Variants in DAB1 observed in about 807,000 individuals in gnomAD.
The protein encoded by DAB1 is disabled homolog 1.
Under a neutral mutation model 64.6 loss-of-function variants are expected in DAB1, and 15 were observed. The ratio of observed to expected loss-of-function variants is 0.23; its 90% CI spans 0.16 to 0.36. The LOEUF (loss-of-function observed/expected upper bound fraction) is 0.36. Ranked by LOEUF, DAB1 falls within the 10% of genes least tolerant of loss-of-function variation. DAB1 has a pLI of 1.00. For synonymous variants in DAB1, 235 were observed against 251.9 expected (o/e 0.93, Z 0.64); for missense variants, 596 against 706.7 (o/e 0.84, Z 1.78).
At chr1:58,405,368 A>G (rs747885564) in intron 3 of DAB1, among the ~76,000 whole-genome samples, 1 of 151,602 alleles carries the variant, frequency 6.6e-6, no homozygotes, top group South Asian at 2.1e-4. Context: ...CTATAAATCT[A>G]TTCTGTTTGT....
chr1:57,871,235 C>G (rs1358219929), intron 1 of DAB1, among the ~76,000 whole-genome samples: 1 of 151,796 alleles, frequency 6.6e-6, no homozygotes, highest in Non-Finnish European at 1.5e-5. Context: ...TGTCTAACAT[C>G]TGATGACAGA....
At chr1:57,278,724 G>T (rs143541283) in intron 2 of DAB1, among the ~76,000 whole-genome samples, 34 of 152,260 alleles carry the variant, frequency 2.2e-4, no homozygotes, top group Non-Finnish European at 4.1e-4. Context: ...ATGCTCAAAG[G>T]GGGGCAAGCA....
chr1:57,091,871 T>G (rs903730237), intron 4 of DAB1, among the ~76,000 whole-genome samples: 1 of 152,210 alleles, frequency 6.6e-6, no homozygotes, highest in African/African-American at 2.4e-5. Flanking sequence ...TGGTTTTTGT[T>G]TCTTTTTGAA....
At chr1:57,358,770 A>G (rs1679322572) in intron 1 of DAB1, among the ~76,000 whole-genome samples, 1 of 152,078 alleles carries the variant, frequency 6.6e-6, no homozygotes, top group Non-Finnish European at 1.5e-5. Flanking sequence ...GTACTGGCAT[A>G]AAAACAGACA....
chr1:57,029,999 C>G (rs1372255682), intron 9 of DAB1, among the ~76,000 whole-genome samples: 3 of 151,998 alleles, frequency 2.0e-5, no homozygotes, highest in African/African-American at 7.3e-5. Context: ...TTTGGAGGGG[C>G]CAGGGGCAGA....
Position 57,923,312 on chromosome 1 carries a change from T to C in DAB1, n.388-39150A>G, listed in dbSNP as rs184002322. On this transcript the variant is annotated intron_variant and non_coding_transcript_variant, in intron 5 of 20. Transcript: ENST00000485760. ...CTAGCAACGTGTGTTATGTATATTA[T>C]CTAAACAGATTGGCCATATGTGATC... 2.4e-3 allele frequency among the ~76,000 whole-genome samples: 373 copies of C among 152,302 alleles called. 5 individuals carry two copies. Among genetic ancestry groups the C allele is most frequent in the Admixed American group, 0.022 (331 of 15,304 alleles).
intron 1 of DAB1, among the ~76,000 whole-genome samples, chr1:57,299,145 AG>A (rs1322301573): frequency 6.6e-6 from 1 of 152,244 alleles, no homozygotes. Flanking sequence ...TTTATGAACA[AG>A]GCATATTTTC....
intron 4 of DAB1, among the ~76,000 whole-genome samples, chr1:58,191,355 T>C (rs1343157582): frequency 6.6e-6 from 1 of 152,216 alleles, no homozygotes; most frequent in Non-Finnish European, 1.5e-5. Flanking sequence ...GGTACATCTC[T>C]AGTTGCAAAC....
chr1:58,375,601 T>G (rs1390319629), intron 3 of DAB1, among the ~76,000 whole-genome samples: 3 of 149,274 alleles, frequency 2.0e-5, no homozygotes, highest in East Asian at 3.9e-4. Context: ...TATTGAAGAT[T>G]TTTGCATCAA....
intron 6 of DAB1, among the ~76,000 whole-genome samples, chr1:57,719,114 T>C (rs145037907): frequency 1.6e-4 from 25 of 152,342 alleles, no homozygotes; most frequent in African/African-American, 5.8e-4. Flanking sequence ...GGGACAACTA[T>C]TATCCATTAT....
chr1:57,734,251 C>T (rs902710756), intron 6 of DAB1, among the ~76,000 whole-genome samples: 10 of 152,224 alleles, frequency 6.6e-5, no homozygotes, highest in African/African-American at 2.2e-4. Flanking sequence ...TGGGGGCACA[C>T]TTTTATGCTG....
intron 6 of DAB1, among the ~76,000 whole-genome samples, chr1:57,753,686 T>G (rs1411253113): frequency 6.6e-6 from 1 of 152,242 alleles, no homozygotes; most frequent in Non-Finnish European, 1.5e-5. Context: ...CAAAACATTT[T>G]ATAGCTCATC....
intron 4 of DAB1, among the ~76,000 whole-genome samples, chr1:58,229,930 T>C (rs1188582673): frequency 1.3e-5 from 2 of 152,178 alleles, no homozygotes; most frequent in African/African-American, 2.4e-5. Flanking sequence ...CACAGACAGA[T>C]AGTGGCAGAT....
chr1:57,421,361 A>G (rs1684868466), intron 1 of DAB1, among the ~76,000 whole-genome samples: 1 of 152,246 alleles, frequency 6.6e-6, no homozygotes, highest in East Asian at 1.9e-4. Flanking sequence ...ACATGATTAA[A>G]TGTTTCAGAT....
intron 5 of DAB1, among the ~76,000 whole-genome samples, chr1:57,959,081 G>A (rs1158141606): frequency 6.6e-6 from 1 of 152,210 alleles, no homozygotes; most frequent in Non-Finnish European, 1.5e-5. Flanking sequence ...GAAAGCCACT[G>A]TAGTCAAGTG....
intron 1 of DAB1, chr1:58,530,663 C>T (rs1324121027): frequency 1.1e-6 from 1 of 872,762 alleles, no homozygotes; most frequent in Admixed American, 1.7e-5. Flanking sequence ...GGACAAATGG[C>T]CCAAATCATT....
chr1:58,423,923 A>G (rs1163943951), intron 3 of DAB1, among the ~76,000 whole-genome samples: 1 of 152,178 alleles, frequency 6.6e-6, no homozygotes, highest in Non-Finnish European at 1.5e-5. Context: ...CAAGGCTCCT[A>G]ATAAATACCA....
intron 5 of DAB1, among the ~76,000 whole-genome samples, chr1:57,966,798 T>TA (rs1645676962): frequency 6.6e-6 from 1 of 152,188 alleles, no homozygotes; most frequent in Non-Finnish European, 1.5e-5. Context: ...AGAGTACATA[T>TA]ACCAAGAAGG....
At chr1:57,042,203 C>T (rs1321767564) in intron 9 of DAB1, among the ~76,000 whole-genome samples, 2 of 152,110 alleles carry the variant, frequency 1.3e-5, no homozygotes, top group African/African-American at 4.8e-5. Context: ...TGGAAGGCAG[C>T]CTTAAGGTTT....
Sources: gnomAD v4.1 joint callset for allele counts (sites outside exome capture counted in the v4.1 genomes callset) on GRCh38, gnomAD v4.1.1 for gene constraint, MANE v1.5 for transcripts, NCBI Gene and HGNC (gene_info 2026-07-23, HGNC 2026-07-21) for gene names.